The following SLC2A8 variants were observed in gnomAD, a reference collection of about 807,000 sequenced individuals.
SLC2A8 encodes the protein solute carrier family 2, facilitated glucose transporter member 8.
SLC2A8 carries 53 observed loss-of-function variants against 49.2 expected under a neutral mutation model. The ratio of observed to expected loss-of-function variants is 1.08; its 90% CI spans 0.86 to 1.35. SLC2A8 has a LOEUF of 1.35. Ranked by LOEUF, SLC2A8 falls within the 40% of genes most tolerant of loss-of-function variation. SLC2A8 has a pLI of 0.00. For synonymous variants in SLC2A8, 299 were observed against 297.0 expected (o/e 1.01, Z -0.07); for missense variants, 688 against 671.7 (o/e 1.02, Z -0.27).
Position 127,397,514 on chromosome 9 carries a change from C to T in SLC2A8, c.195C>T (p.Asp65=). 1.4e-6 allele frequency: 2 copies of T among 1,430,876 alleles called. No individual in the cohort carries two copies. The highest frequency in any genetic ancestry group is 1.5e-5 in the African/African-American group (1 of 66,494). The allele number at this position is 1,430,876 out of a possible 1,614,324, so 88.6% of individuals were successfully genotyped here. A position where few individuals can be genotyped will look rare whatever the true frequency, so the allele number is the denominator to read the frequency against. Residue 65 remains aspartate (D), a synonymous_variant, in exon 2 of 10, where the codon GAC becomes GAT. Coordinates refer to ENST00000373371, the MANE Select transcript of SLC2A8 (RefSeq NM_014580.5). ...CCGCGCCCCCGGCCCCGCGCCTGGA[C>T]GACGCCGCCGCCTCCTGGTTCGGGG... is the stretch of plus-strand genomic sequence containing the variant. ...QRAAPPAPRL[D]DAAASWFGAV... is the part of the protein sequence containing the mutation.
rs2131922705 is a variant in SLC2A8, at chr9:127,407,502, T to C, written c.*253T>C. On this transcript the variant is annotated 3_prime_UTR_variant, in exon 10 of 10. Transcript: ENST00000373371. ...TTGCAGACCTGCGGTCAGCCCTCCA[T>C]GCGCAAGACTAAAGCAGCGGAAGAG... The C allele has an allele frequency of 6.4e-6, 4 of 625,152 alleles. No homozygotes were observed. In the East Asian group the frequency reaches 1.4e-4, roughly 22 times the overall value. 38.7% of individuals were successfully genotyped at this position (625,152 alleles called of 1,614,324 possible).
chr9:127,407,057 G>A (rs549781683), intron 9 of SLC2A8, 55 bp from the exon 10 acceptor site: 45 of 1,600,348 alleles, frequency 2.8e-5, no homozygotes, highest in African/African-American at 4.0e-5. Flanking sequence ...CAGTGATCGC[G>A]TGGGGCTTCC....
Position 127,403,974 on chromosome 9 carries a change from T to C in SLC2A8, c.883T>C (p.Ser295Pro). ...TCTCCCCCAGGACAGCAGCCTGGCCTCGGTCGTCGTGGGTGTCATCCAGGT... is the reference window on the plus strand; with the variant it reads ...TCTCCCCCAGGACAGCAGCCTGGCCCCGGTCGTCGTGGGTGTCATCCAGGT... Reference protein sequence around the residue: ...EAKFKDSSLASVVVGVIQVLF... With the variant: ...EAKFKDSSLAPVVVGVIQVLF... Residue 295 changes from serine to proline, a missense_variant, in exon 7 of 10, where the codon TCG (serine) becomes CCG (proline). Transcript: ENST00000373371. 6.2e-7 allele frequency: 1 copy of C among 1,610,852 alleles called. No homozygotes were observed. Among genetic ancestry groups the C allele is most frequent in the South Asian group, 1.1e-5 (1 of 91,006 alleles).
chr9:127,398,210 C>A, intron 3 of SLC2A8, 99 bp downstream of exon 3: 1 of 1,304,250 alleles, frequency 7.7e-7, no homozygotes, highest in Non-Finnish European at 1.1e-6. Context: ...CTCCCCCTGG[C>A]GGGACCTTCT....
In SLC2A8 at chr9:127,406,876, G is replaced by C. The variant is rs1833510133; in HGVS notation, c.1297-236G>C. ...AGTCACTTCATTGCTGTGAGCCTCA[G>C]TTTCCCCAGCCATACGACCTCGGTA... On this transcript the variant is annotated intron_variant, in intron 9 of 9. Transcript: ENST00000373371. 2.0e-5 allele frequency among the ~76,000 whole-genome samples: 3 copies of C among 152,230 alleles called. No homozygotes were observed. The South Asian group carries it at 6.2e-4, about 31-fold the overall frequency.
chr9:127,403,636 G>A (rs1833376188), intron 5 of SLC2A8, 24 bp from the exon 6 acceptor site: 2 of 1,612,324 alleles, frequency 1.2e-6, no homozygotes, highest in South Asian at 1.1e-5. Context: ...GAGAAATCCT[G>A]ATGGCCAGTA....
intron 7 of SLC2A8, 27 bp from the exon 8 acceptor site, chr9:127,404,791 C>T (rs767660832): frequency 7.5e-6 from 12 of 1,598,808 alleles, no homozygotes; most frequent in South Asian, 4.4e-5. Context: ...CCGGGTGCCC[C>T]GCCCACTGCC....
intron 9 of SLC2A8, among the ~76,000 whole-genome samples, chr9:127,406,755 C>A (rs1310876407): frequency 6.6e-6 from 1 of 152,164 alleles, no homozygotes; most frequent in Non-Finnish European, 1.5e-5. Context: ...AGGGTGGGGC[C>A]AAAGCTGAGG....
At position 127,407,599 on chromosome 9, in the gene SLC2A8, G is replaced by A. The variant is rs539241537; in HGVS notation, c.*350G>A. On this transcript the variant is annotated 3_prime_UTR_variant, in exon 10 of 10. Coordinates refer to ENST00000373371, the MANE Select transcript of SLC2A8 (RefSeq NM_014580.5). ...GAGGTTGGGTGCTGGGCATTCAGTC[G>A]CTCCTCTCACGCGGCTGCCTTATCG... 7 of 389,944 alleles carry A rather than the reference G, an allele frequency of 1.8e-5. No individual in the cohort carries two copies. Among genetic ancestry groups the A allele is most frequent in the Admixed American group, 7.1e-5 (2 of 28,160 alleles). 24.2% of individuals were successfully genotyped at this position (389,944 alleles called of 1,614,324 possible).
At chr9:127,400,398 C>G (rs921354167) in intron 4 of SLC2A8, among the ~76,000 whole-genome samples, 2 of 151,934 alleles carry the variant, frequency 1.3e-5, no homozygotes, top group African/African-American at 4.8e-5. Context: ...ACCTCATGAA[C>G]CGCCAAACCT....
In SLC2A8 at chr9:127,397,175, GCAGGGCCCGTGGCGGTT is replaced by G; in HGVS notation, c.-51_-35del. ...CGAGAGGCCGGTGCGGGCCGCACTC[GCAGGGCCCGTGGCGGTT>G]CAGGCGCCAGAGCTGGCCGATCGGC... On this transcript the variant is annotated 5_prime_UTR_variant, in exon 1 of 10. Transcript: ENST00000373371. The G allele has an allele frequency of 7.0e-7, 1 of 1,424,002 alleles. No homozygotes were observed. The highest frequency in any genetic ancestry group is 9.1e-7 in the Non-Finnish European group (1 of 1,096,458). The allele number at this position is 1,424,002 out of a possible 1,614,324, so 88.2% of individuals were successfully genotyped here. A position where few individuals can be genotyped will look rare whatever the true frequency, so the allele number is the denominator to read the frequency against.
intron 3 of SLC2A8, chr9:127,398,344 T>A: frequency 1.3e-6 from 1 of 775,116 alleles, no homozygotes; most frequent in Non-Finnish European, 2.4e-6. Context: ...GGTGAAGTCC[T>A]TTGCCCAGGC....
At position 127,405,065 on chromosome 9, in the gene SLC2A8, A is replaced by T. The variant is rs951711633; in HGVS notation, c.1150+74A>T. ...CGGCCCTGCTGTGGCGGCTCCCGGC[A>T]GGTGGGGTCTTCCCCAGCCTCACCT... On this transcript the variant is annotated intron_variant, in intron 8 of 9. Coordinates refer to ENST00000373371, the MANE Select transcript of SLC2A8 (RefSeq NM_014580.5). The T allele has an allele frequency of 1.1e-5, 16 of 1,489,578 alleles. No homozygotes were observed. The African/African-American group carries it at 1.4e-4, about 13-fold the overall frequency. 92.3% of individuals were successfully genotyped at this position (1,489,578 alleles called of 1,614,324 possible). A position where few individuals can be genotyped will look rare whatever the true frequency, so the allele number is the denominator to read the frequency against.
chr9:127,404,850 G>A lies in SLC2A8; in HGVS notation c.1009G>A (p.Gly337Ser), dbSNP rs767430691. 45 of 1,612,418 alleles carry A rather than the reference G, an allele frequency of 2.8e-5. No homozygotes were observed. The highest frequency in any genetic ancestry group is 1.6e-4 in the Middle Eastern group (1 of 6,078). The change falls in exon 8 of 10, where the codon GGC becomes AGC. Residue 337 changes from glycine to serine, a missense_variant. Coordinates refer to ENST00000373371, the MANE Select transcript of SLC2A8 (RefSeq NM_014580.5). ...CATGGTGTTCAGCACGAGTGCCTTC[G>A]GCGCCTACTTCAAGCTGACCCAGGG... ...VVMVFSTSAF[G>S]AYFKLTQGGP... is the part of the protein sequence containing the mutation.
chr9:127,403,894 C>A, intron 6 of SLC2A8, 65 bp from the exon 7 acceptor site: 3 of 1,600,620 alleles, frequency 1.9e-6, no homozygotes, highest in Admixed American at 1.7e-5. Context: ...CAGCACAGGC[C>A]TGGAGAGGGA....
chr9:127,404,632 A>G, intron 7 of SLC2A8, 186 bp from the exon 8 acceptor site: 1 of 624,680 alleles, frequency 1.6e-6, no homozygotes, highest in South Asian at 2.3e-5. Flanking sequence ...AACTTTTTGC[A>G]GTTCGCTGAG....
chr9:127,407,181 T>C lies in SLC2A8; in HGVS notation c.1366T>C (p.Leu456=). The part of the protein sequence containing the change: ...AFCIFSVLFT[L]FCVPETKGKT... Reference sequence around the variant, plus strand: ...CTGCATCTTCAGTGTCCTTTTCACTTTGTTCTGTGTCCCTGAAACTAAAGG... The same window carrying C: ...CTGCATCTTCAGTGTCCTTTTCACTCTGTTCTGTGTCCCTGAAACTAAAGG... Residue 456 remains leucine, a synonymous_variant, in exon 10 of 10, where the codon TTG becomes CTG. Transcript: ENST00000373371. 6.2e-7 allele frequency: 1 copy of C among 1,613,694 alleles called. No individual in the cohort carries two copies. Among genetic ancestry groups the C allele is most frequent in the Middle Eastern group, 1.6e-4 (1 of 6,062 alleles).
intron 2 of SLC2A8, 145 bp from the exon 3 acceptor site, chr9:127,397,760 C>T (rs1325642768): frequency 4.7e-6 from 5 of 1,065,550 alleles, no homozygotes; most frequent in Non-Finnish European, 6.4e-6. Flanking sequence ...TCGGGACGAG[C>T]ACCGGGCCCC....
chr9:127,398,165 G>C (rs1373874981), intron 3 of SLC2A8, 54 bp downstream of exon 3: 3 of 1,538,774 alleles, frequency 1.9e-6, no homozygotes, highest in Non-Finnish European at 2.6e-6. Context: ...CCGAGGGGGA[G>C]TGGGACAAAC....
Sources: allele counts gnomAD v4.1 joint callset (sites outside exome capture counted in the v4.1 genomes callset), GRCh38; gene constraint gnomAD v4.1.1; transcripts MANE v1.5; gene names NCBI Gene and HGNC (gene_info 2026-07-23, HGNC 2026-07-21).